The following CERCAM variants were observed in gnomAD, a reference collection of about 807,000 sequenced individuals.
CERCAM encodes inactive glycosyltransferase 25 family member 3.
A neutral mutation model predicts 66.0 loss-of-function variants in CERCAM; 59 were observed. That is an observed-to-expected ratio of 0.89 (90% confidence interval 0.73 to 1.11). The LOEUF is 1.11. CERCAM is among the 50% of genes most tolerant of loss of function. The pLI, the probability that CERCAM is intolerant of heterozygous loss-of-function variation, is 0.00. For synonymous variants in CERCAM, 318 were observed against 343.6 expected (o/e 0.93, Z 0.83); for missense variants, 840 against 828.3 (o/e 1.01, Z -0.17).
upstream of CERCAM, chr9:128,420,820 C>T: frequency 1.2e-6 from 1 of 869,390 alleles, no homozygotes; most frequent in Non-Finnish European, 1.5e-6. This position sits in a 1 kb window ranked among gnomAD's most constrained non-coding sequence, Gnocchi z 5.0. Flanking sequence ...GGCCCCGCCC[C>T]CTCCCCTCGG....
chr9:128,419,742 C>T (rs1228048444), upstream of CERCAM: 1 of 152,214 alleles, frequency 6.6e-6, no homozygotes, highest in East Asian at 1.9e-4. Flanking sequence ...CCTAAGGACC[C>T]CGGCGGTGCT....
Position 128,434,343 on chromosome 9 carries a change from G to T in CERCAM, c.1332-67G>T. On this transcript the variant is annotated intron_variant, in intron 10 of 12. Transcript: ENST00000372838. This position sits in a 1 kb window ranked among gnomAD's most constrained non-coding sequence, Gnocchi z 4.5. ...CCTGAGAGCCTGGCCCTGTAGGAGC[G>T]GGTGTGGGAGGGTCCCATGACACCC... 1 of 1,603,270 alleles carries T rather than the reference G, an allele frequency of 6.2e-7. No homozygotes were observed. Among genetic ancestry groups the T allele is most frequent in the Middle Eastern group, 1.7e-4 (1 of 5,894 alleles).
rs149051520 is a variant in CERCAM, at chr9:128,431,244, C to T, written c.1144C>T (p.Arg382Cys). 5.8e-5 allele frequency: 94 copies of T among 1,613,932 alleles called. No individual in the cohort carries two copies. In the Middle Eastern group the frequency reaches 1.3e-3, roughly 23 times the overall value. ...GGGCTACCAGGACCCTTACTCGGGC[C>T]GCACTCTGACCAAGGGCGAGGTGGG... Reference protein sequence around the residue: ...LPGYQDPYSGRTLTKGEVGCF... With the variant: ...LPGYQDPYSGCTLTKGEVGCF... Residue 382 changes from arginine to cysteine, a missense_variant, in exon 9 of 13, where the codon CGC becomes TGC. Physicochemically the swap from Arg to Cys is radical, Grantham distance 180. Coordinates refer to ENST00000372838, the MANE Select transcript of CERCAM (RefSeq NM_016174.5).
chr9:128,430,105 GA>G (rs919867216), intron 8 of CERCAM, among the ~76,000 whole-genome samples: 3 of 151,820 alleles, frequency 2.0e-5, no homozygotes, highest in African/African-American at 7.3e-5. Context: ...TCCACCTAAT[GA>G]AAAAAAATTT....
rs1447632035 is a variant in CERCAM, at chr9:128,428,286, C to T, written c.767-16C>T. 5.0e-6 allele frequency: 8 copies of T among 1,612,906 alleles called. No individual in the cohort carries two copies. The African/African-American group carries it at 9.3e-5, about 19-fold the overall frequency. ...CCCACCCTCCACTGCAGCTCTCACT[C>T]AGCCTGTCTCTGCAGGGGTCTCCGT... On this transcript the variant is annotated splice_polypyrimidine_tract_variant and intron_variant, in intron 5 of 12. Coordinates refer to ENST00000372838, the MANE Select transcript of CERCAM (RefSeq NM_016174.5).
intron 12 of CERCAM, 62 bp downstream of exon 12, chr9:128,435,967 G>A: frequency 6.7e-7 from 1 of 1,494,132 alleles, no homozygotes; most frequent in East Asian, 2.4e-5. Flanking sequence ...CCCCTTTGAT[G>A]GCATAACTGT....
At chr9:128,431,338 G>C in intron 9 of CERCAM, 35 bp downstream of exon 9, 1 of 1,611,834 alleles carries the variant, frequency 6.2e-7, no homozygotes, top group Non-Finnish European at 8.5e-7. Context: ...CACAGCCTTC[G>C]GGGAGAACGG....
rs573454050 is a variant in CERCAM, at chr9:128,421,309, G to A, written c.197+235G>A. The stretch of plus-strand genomic sequence containing the variant: ...ACGCGGGACACCCACCCCTCCTTCT[G>A]GTCCCCTACTCCTTCCTCTTGGGGC... On this transcript the variant is annotated intron_variant, in intron 1 of 12. Coordinates refer to ENST00000372838, the MANE Select transcript of CERCAM (RefSeq NM_016174.5). 6.5e-6 allele frequency: 8 copies of A among 1,224,102 alleles called. No homozygotes were observed. The East Asian group carries it at 2.6e-4, about 39-fold the overall frequency. The allele number at this position is 1,224,102 out of a possible 1,614,324, so 75.8% of individuals were successfully genotyped here.
intron 11 of CERCAM, among the ~76,000 whole-genome samples, chr9:128,435,284 A>G (rs1834081241): frequency 6.6e-6 from 1 of 152,102 alleles, no homozygotes; most frequent in Non-Finnish European, 1.5e-5. Context: ...GGCATGAGCC[A>G]CTGTACCCAG....
At chr9:128,421,617 G>GGTAGATCA (rs1833711706) in intron 1 of CERCAM, 1 of 793,490 alleles carries the variant, frequency 1.3e-6, no homozygotes, top group African/African-American at 1.9e-5. Flanking sequence ...TCTTGGTAGA[G>GGTAGATCA]GGGCGGGATC....
upstream of CERCAM, chr9:128,419,233 GA>G (rs1833656417): frequency 6.6e-6 from 1 of 152,302 alleles, no homozygotes; most frequent in South Asian, 2.1e-4. Context: ...CTAGGCTAGA[GA>G]TCAGGACTCC....
In CERCAM at chr9:128,437,098, C is replaced by T. The variant is rs1245165605; in HGVS notation, c.*250C>T. ...GTACCCTGCCTGGCCTGATTCAGGGCCTTGTGGCCCCCAGCTTCTGTTTCA... is the reference window on the plus strand; with the variant it reads ...GTACCCTGCCTGGCCTGATTCAGGGTCTTGTGGCCCCCAGCTTCTGTTTCA... On this transcript the variant is annotated 3_prime_UTR_variant, in exon 13 of 13. Coordinates refer to ENST00000372838, the MANE Select transcript of CERCAM (RefSeq NM_016174.5). 3.3e-5 allele frequency: 5 copies of T among 152,492 alleles called. No individual in the cohort carries two copies. The highest frequency in any genetic ancestry group is 7.3e-5 in the Non-Finnish European group (5 of 68,090). 9.4% of individuals were successfully genotyped at this position (152,492 alleles called of 1,614,324 possible).
intron 8 of CERCAM, among the ~76,000 whole-genome samples, chr9:128,429,840 G>A (rs973999071): frequency 6.6e-6 from 1 of 151,722 alleles, no homozygotes; most frequent in African/African-American, 2.4e-5. Context: ...CAGGCCTGGA[G>A]TGCAGTGGCG....
chr9:128,435,931 C>G (rs770982322), intron 12 of CERCAM, 26 bp downstream of exon 12: 6 of 1,580,668 alleles, frequency 3.8e-6, no homozygotes, highest in Non-Finnish European at 4.3e-6. Context: ...GAAGAGGCCC[C>G]AGCCCCGTAG....
intron 3 of CERCAM, 79 bp from the exon 4 acceptor site, chr9:128,424,059 C>G (rs1833777200): frequency 2.6e-6 from 4 of 1,522,250 alleles, no homozygotes; most frequent in Middle Eastern, 1.9e-4. Flanking sequence ...CGCTGGGTCT[C>G]TGGCAGGACC....
chr9:128,429,571 C>T (rs1588623712), intron 8 of CERCAM, among the ~76,000 whole-genome samples: 3 of 152,242 alleles, frequency 2.0e-5, no homozygotes, highest in East Asian at 1.9e-4. Context: ...CCCCATATGT[C>T]GGCTGCCATT....
intron 1 of CERCAM, 181 bp from the exon 2 acceptor site, chr9:128,422,687 G>A (rs1012924953): frequency 6.5e-6 from 4 of 615,748 alleles, no homozygotes; most frequent in Non-Finnish European, 1.1e-5. Flanking sequence ...CACACAGCAG[G>A]TCACAGAACT....
intron 11 of CERCAM, 135 bp from the exon 12 acceptor site, chr9:128,435,518 C>A: frequency 1.1e-6 from 1 of 906,880 alleles, no homozygotes; most frequent in Non-Finnish European, 1.7e-6. Flanking sequence ...AGTCCCACTG[C>A]TCAGGGCCGC....
intron 1 of CERCAM, chr9:128,421,904 AC>A (rs1203973221): frequency 2.0e-5 from 3 of 152,198 alleles, no homozygotes; most frequent in African/African-American, 7.2e-5. Context: ...AAGACTTGAC[AC>A]GTAGTCTTCA....
Sources: allele counts gnomAD v4.1 joint callset (sites outside exome capture counted in the v4.1 genomes callset), GRCh38; gene constraint gnomAD v4.1.1; non-coding constraint Gnocchi (gnomAD v3.1); transcripts MANE v1.5; gene names NCBI Gene and HGNC (gene_info 2026-07-23, HGNC 2026-07-21).